GPR107: variants seen among roughly 807,000 people sequenced by gnomAD.
GPR107 encodes the protein G protein-coupled receptor 107, also known as protein GPR107.
Under a neutral mutation model 75.5 loss-of-function variants are expected in GPR107, and 31 were observed. The ratio of observed to expected loss-of-function variants is 0.41; its 90% CI spans 0.31 to 0.55. The LOEUF is 0.55. Among genes scored for constraint, GPR107 ranks in the 20% least tolerant of loss-of-function variants. GPR107 has a pLI of 0.26. For missense variants in GPR107, 572 were observed against 665.7 expected, an observed-to-expected ratio of 0.86 and a Z score of 1.55; for synonymous variants, 267 against 251.3, an observed-to-expected ratio of 1.06 and a Z score of -0.59.
At chr9:130,083,881 C>T (rs1172181039) in intron 6 of GPR107, among the ~76,000 whole-genome samples, 1 of 151,920 alleles carries the variant, frequency 6.6e-6, no homozygotes, top group Non-Finnish European at 1.5e-5. Flanking sequence ...CTGGAGTACT[C>T]ATGATACCTA....
At position 130,131,551 on chromosome 9, in the gene GPR107, C is replaced by T. The variant is rs77132368; in HGVS notation, c.1562+2790C>T. 3.2e-4 allele frequency among the ~76,000 whole-genome samples: 48 copies of T among 152,206 alleles called. No individual in the cohort carries two copies. In the East Asian group the frequency reaches 8.9e-3, roughly 28 times the overall value. ...GGACTCACCCAAGCCCAGGGTTGCC[C>T]CTGCTACCCCCTCACTGCCCCCGGC... On this transcript the variant is annotated intron_variant, in intron 17 of 17. Transcript: ENST00000347136.
In GPR107 at chr9:130,135,361, G is replaced by A; in HGVS notation, c.*240G>A. The A allele has an allele frequency of 4.5e-6, 2 of 448,472 alleles. No individual in the cohort carries two copies. Among genetic ancestry groups the A allele is most frequent in the South Asian group, 4.1e-5 (1 of 24,302 alleles). 27.8% of individuals were successfully genotyped at this position (448,472 alleles called of 1,614,324 possible). On this transcript the variant is annotated 3_prime_UTR_variant, in exon 18 of 18. Transcript: ENST00000347136. ...AGGCGGGAATGGGAGGGCGGGCACA[G>A]GGAGGAGGAGAGGAAGAGAAAAGGA...
intron 12 of GPR107, among the ~76,000 whole-genome samples, chr9:130,102,701 C>G (rs1831064530): frequency 1.3e-5 from 2 of 152,180 alleles, no homozygotes; most frequent in Admixed American, 6.5e-5. Context: ...TTGTTCAACA[C>G]TGGGAACATT....
intron 9 of GPR107, among the ~76,000 whole-genome samples, chr9:130,093,209 C>CT (rs11390407): frequency 0.59 from 89,889 of 151,656 alleles, 26,649 homozygotes; most frequent in East Asian, 0.79. Context: ...GGCTTTTAGC[C>CT]TTTTTTTTCT....
intron 17 of GPR107, among the ~76,000 whole-genome samples, chr9:130,131,758 T>C (rs1304340310): frequency 1.3e-5 from 2 of 152,158 alleles, no homozygotes; most frequent in African/African-American, 2.4e-5. Flanking sequence ...CCTCAGCCCG[T>C]GCAGAGCGTC....
chr9:130,105,188 CAA>C (rs1449729050), intron 13 of GPR107, among the ~76,000 whole-genome samples: 1 of 151,886 alleles, frequency 6.6e-6, no homozygotes, highest in African/African-American at 2.4e-5. Context: ...TATTGGAATG[CAA>C]TTCTTTTGAA....
chr9:130,124,580 G>A (rs1252595238), intron 14 of GPR107, among the ~76,000 whole-genome samples: 1 of 152,166 alleles, frequency 6.6e-6, no homozygotes, highest in Admixed American at 6.5e-5. Flanking sequence ...TCTCTGGGGG[G>A]AAAAAATTCC....
At chr9:130,114,273 G>T (rs1186937098) in intron 14 of GPR107, among the ~76,000 whole-genome samples, 2 of 151,992 alleles carry the variant, frequency 1.3e-5, no homozygotes, top group East Asian at 3.9e-4. Context: ...AGAAGCTGAG[G>T]TAGAAGGATT....
At chr9:130,071,191 ATTT>A (rs1233744458) in intron 1 of GPR107, among the ~76,000 whole-genome samples, 5 of 135,000 alleles carry the variant, frequency 3.7e-5, no homozygotes, top group Admixed American at 7.5e-5. Context: ...CAACTGGCTA[ATTT>A]TTTTTTTTTT....
chr9:130,063,196 CT>C (rs760373185), intron 1 of GPR107, among the ~76,000 whole-genome samples: 3,701 of 146,326 alleles, frequency 0.025, 80 homozygotes, highest in Non-Finnish European at 0.031. Context: ...ATATAACATG[CT>C]TTTTTTTTTT....
chr9:130,077,410 C>T (rs1189785047), intron 4 of GPR107, 32 bp downstream of exon 4: 17 of 1,055,208 alleles, frequency 1.6e-5, no homozygotes, highest in Non-Finnish European at 2.5e-5. Context: ...TCAGTTCAGT[C>T]CTAGAGTAGA....
At chr9:130,058,518 G>A (rs1427875020) in intron 1 of GPR107, among the ~76,000 whole-genome samples, 1 of 151,282 alleles carries the variant, frequency 6.6e-6, no homozygotes, top group African/African-American at 2.4e-5. Context: ...AGGCTGGAGC[G>A]CAATGGCGTT....
chr9:130,080,537 G>C (rs917979288), intron 5 of GPR107, among the ~76,000 whole-genome samples: 2 of 150,988 alleles, frequency 1.3e-5, no homozygotes, highest in African/African-American at 4.9e-5. Context: ...TGTCGCCCAG[G>C]CTGGAGTACA....
chr9:130,108,412 T>C (rs1193448560), intron 14 of GPR107, among the ~76,000 whole-genome samples: 3 of 152,262 alleles, frequency 2.0e-5, no homozygotes, highest in Non-Finnish European at 4.4e-5. Context: ...GTAAATCTTC[T>C]TTCACAAACC....
At chr9:130,126,216 C>A (rs1355652315) in intron 15 of GPR107, among the ~76,000 whole-genome samples, 1 of 131,404 alleles carries the variant, frequency 7.6e-6, no homozygotes, top group Non-Finnish European at 1.6e-5. Flanking sequence ...ATGAAAAGTT[C>A]TATCAGCTAG....
At chr9:130,066,965 G>A (rs535066514) in intron 1 of GPR107, among the ~76,000 whole-genome samples, 8 of 151,346 alleles carry the variant, frequency 5.3e-5, no homozygotes, top group Admixed American at 1.3e-4. Context: ...CAGCCTGGGC[G>A]ACAGAGCGAG....
At position 130,112,373 on chromosome 9, in the gene GPR107, G is replaced by A. The variant is rs539361440; in HGVS notation, c.1306+4834G>A. ...ATCAAAACTATTTTCATAATCATACGGTGTGAGTCTCTTGTGCTGTTGACA... is the reference window on the plus strand; with the variant it reads ...ATCAAAACTATTTTCATAATCATACAGTGTGAGTCTCTTGTGCTGTTGACA... On this transcript the variant is annotated intron_variant, in intron 14 of 17. Transcript: ENST00000347136. The surrounding 1 kb of genome is among the most constrained non-coding windows in gnomAD (Gnocchi z 4.0). Among the ~76,000 whole-genome samples the A allele has an allele frequency of 1.9e-4, 29 of 152,284 alleles. No individual in the cohort carries two copies. The highest frequency in any genetic ancestry group is 6.0e-4 in the African/African-American group (25 of 41,564).
At chr9:130,057,320 G>A (rs1829817438) in intron 1 of GPR107, among the ~76,000 whole-genome samples, 1 of 151,828 alleles carries the variant, frequency 6.6e-6, no homozygotes, top group Non-Finnish European at 1.5e-5. Context: ...CTCTAGCCTG[G>A]GCGACAGAGC....
In GPR107 at chr9:130,131,000, C is replaced by A. The variant is rs140619205; in HGVS notation, c.1562+2239C>A. Among the ~76,000 whole-genome samples the A allele has an allele frequency of 1.2e-3, 176 of 151,924 alleles. 1 individual carries two copies. The highest frequency in any genetic ancestry group is 4.1e-3 in the African/African-American group (168 of 41,416). On this transcript the variant is annotated intron_variant, in intron 17 of 17. Coordinates refer to ENST00000347136, the MANE Select transcript of GPR107 (RefSeq NM_020960.5). ...GCACTTTTGGTTGCAAACACAGAGA[C>A]TTGGGGCTTTGCAAGGAAAGGGGGT...
Sources: allele counts gnomAD v4.1 joint callset (sites outside exome capture counted in the v4.1 genomes callset), GRCh38; gene constraint gnomAD v4.1.1; non-coding constraint Gnocchi (gnomAD v3.1); transcripts MANE v1.5; gene names NCBI Gene and HGNC (gene_info 2026-07-23, HGNC 2026-07-21).